NOTCH2: variants seen among roughly 807,000 people sequenced by gnomAD.
NOTCH2 encodes the protein notch receptor 2, also known as neurogenic locus notch homolog protein 2.
In NOTCH2, 29 loss-of-function variants were observed where a neutral mutation model predicts 235.8. The ratio of observed to expected loss-of-function variants is 0.12; its 90% CI spans 0.09 to 0.17. The LOEUF is 0.17. NOTCH2 is among the 10% of genes least tolerant of loss of function. The pLI, the probability that NOTCH2 is intolerant of heterozygous loss-of-function variation, is 1.00. For synonymous variants in NOTCH2, 1,086 were observed against 1,141.5 expected (o/e 0.95, Z 0.98); for missense variants, 2,285 against 3,150.2 (o/e 0.73, Z 6.57).
intron 2 of NOTCH2, among the ~76,000 whole-genome samples, chr1:120,011,939 C>A (rs1653209957): frequency 1.3e-5 from 2 of 149,032 alleles, no homozygotes; most frequent in Admixed American, 6.7e-5. Context: ...TGGCATGAAC[C>A]CAGAAGTTGG....
chr1:119,981,519 C>T lies in NOTCH2; in HGVS notation c.874+5441G>A, dbSNP rs189698753. ...AACCGTTCCATGGGGGCTTAGAGAG[C>T]CATGAAGTTAAACTGGATCGTGCCT... is the stretch of plus-strand genomic sequence containing the variant. On this transcript the variant is annotated intron_variant, in intron 5 of 33. Coordinates refer to ENST00000256646, the MANE Select transcript of NOTCH2 (RefSeq NM_024408.4). 3.9e-5 allele frequency among the ~76,000 whole-genome samples: 6 copies of T among 152,218 alleles called. No homozygotes were observed. In the East Asian group the frequency reaches 1.2e-3, roughly 29 times the overall value.
chr1:120,023,047 G>C (rs587689712), intron 2 of NOTCH2, among the ~76,000 whole-genome samples: 1 of 151,202 alleles, frequency 6.6e-6, no homozygotes, highest in Non-Finnish European at 1.5e-5. Flanking sequence ...ACCCTAATAC[G>C]CAATAATGTT....
intron 17 of NOTCH2, among the ~76,000 whole-genome samples, chr1:119,946,402 TAAC>T (rs1195261821): frequency 1.3e-5 from 2 of 152,074 alleles, no homozygotes; most frequent in African/African-American, 2.4e-5. Flanking sequence ...TAGAAATCCT[TAAC>T]AACATTTTGG....
chr1:119,929,889 A>G (rs1255950764), intron 22 of NOTCH2, among the ~76,000 whole-genome samples: 2 of 152,250 alleles, frequency 1.3e-5, no homozygotes, highest in African/African-American at 4.8e-5. Context: ...AATGCCCTAT[A>G]CAGGTGTACT....
At chr1:120,001,496 C>T (rs1652748921) in intron 3 of NOTCH2, among the ~76,000 whole-genome samples, 1 of 152,194 alleles carries the variant, frequency 6.6e-6, no homozygotes, top group Non-Finnish European at 1.5e-5. Context: ...ACAAGATGGG[C>T]CGGTGGAAAG....
chr1:119,974,234 G>C (rs781947492), intron 5 of NOTCH2, among the ~76,000 whole-genome samples: 1 of 152,158 alleles, frequency 6.6e-6, no homozygotes, highest in Non-Finnish European at 1.5e-5. Flanking sequence ...CTTTGCTGGT[G>C]AACTCCCAAA....
intron 3 of NOTCH2, among the ~76,000 whole-genome samples, chr1:120,002,826 T>C (rs1314494543): frequency 6.8e-6 from 1 of 147,282 alleles, no homozygotes. Flanking sequence ...GTGTTTCAGC[T>C]GGGGACTGGT....
At chr1:119,924,132 C>T in intron 25 of NOTCH2, 148 bp from the exon 26 acceptor site, 1 of 690,472 alleles carries the variant, frequency 1.4e-6, no homozygotes, top group South Asian at 1.7e-5. Flanking sequence ...ACCTTCTTTG[C>T]ATCTCCTATC....
At position 119,965,441 on chromosome 1, in the gene NOTCH2, G is replaced by T; in HGVS notation, c.1681+12C>A. The stretch of plus-strand genomic sequence containing the variant: ...GACCTACCAAGGAGATGAAAAGTGA[G>T]AAGAATCTTACCTGTGGCACACTGG... On this transcript the variant is annotated intron_variant, in intron 10 of 33. Coordinates refer to ENST00000256646, the MANE Select transcript of NOTCH2 (RefSeq NM_024408.4). The T allele has an allele frequency of 6.2e-7, 1 of 1,600,108 alleles. No homozygotes were observed. The highest frequency in any genetic ancestry group is 8.6e-7 in the Non-Finnish European group (1 of 1,167,178).
At chr1:119,923,591 T>A (rs1285988383) in intron 26 of NOTCH2, 46 bp downstream of exon 26, 3 of 1,503,728 alleles carry the variant, frequency 2.0e-6, no homozygotes, top group African/African-American at 2.8e-5. Context: ...GTCAAAGTGC[T>A]AGGCTTCATA....
At chr1:120,002,038 G>C (rs1244256719) in intron 3 of NOTCH2, among the ~76,000 whole-genome samples, 3 of 152,170 alleles carry the variant, frequency 2.0e-5, no homozygotes, top group Non-Finnish European at 4.4e-5. Context: ...CCCATAGCCA[G>C]GATTCACAGG....
At chr1:119,930,357 A>G (rs2101171489) in intron 22 of NOTCH2, among the ~76,000 whole-genome samples, 1 of 151,512 alleles carries the variant, frequency 6.6e-6, no homozygotes, top group Middle Eastern at 3.4e-3. Flanking sequence ...TCCATTTAAA[A>G]CAGGACTAAT....
In NOTCH2 at chr1:119,937,342, C is replaced by T. The variant is rs146593279; in HGVS notation, c.3462G>A (p.Ala1154=). ...SYCEEQLDEC[A]SNPCQHGATC... Reference sequence around the variant, plus strand: ...TTGCCCCGTGCTGGCAGGGGTTGGACGCACACTCATCGAGTTGCTCCTCAC... The same window carrying T: ...TTGCCCCGTGCTGGCAGGGGTTGGATGCACACTCATCGAGTTGCTCCTCAC... The change falls in exon 21 of 34, where the codon GCG becomes GCA. Residue 1154 remains alanine (A), a synonymous_variant. Coordinates refer to ENST00000256646, the MANE Select transcript of NOTCH2 (RefSeq NM_024408.4). The T allele has an allele frequency of 3.1e-5, 50 of 1,614,118 alleles. No homozygotes were observed. Among genetic ancestry groups the T allele is most frequent in the Admixed American group, 6.7e-5 (4 of 60,034 alleles).
chr1:119,921,836 A>G (rs1292043280), intron 28 of NOTCH2, 27 bp from the exon 29 acceptor site: 1 of 1,564,514 alleles, frequency 6.4e-7, no homozygotes, highest in East Asian at 2.2e-5. Context: ...AAGAAAAAAT[A>G]AGAATGGCAG....
rs914692387 is a variant in NOTCH2, at chr1:119,959,651, C to T, written c.1916-149G>A. 1.0e-5 allele frequency: 7 copies of T among 689,504 alleles called. No individual in the cohort carries two copies. In the African/African-American group the frequency reaches 1.2e-4, roughly 12 times the overall value. The allele number at this position is 689,504 out of a possible 1,614,324, so 42.7% of individuals were successfully genotyped here. A position where few individuals can be genotyped will look rare whatever the true frequency, so the allele number is the denominator to read the frequency against. On this transcript the variant is annotated intron_variant, in intron 11 of 33. Coordinates refer to ENST00000256646, the MANE Select transcript of NOTCH2 (RefSeq NM_024408.4). ...AAGCAGAAGTTCTCAAAATGCAGTC[C>T]ACAGACTCGTTCAGGAAGATACAGG...
intron 1 of NOTCH2, among the ~76,000 whole-genome samples, chr1:120,066,065 T>C (rs1296105442): frequency 2.6e-5 from 4 of 151,988 alleles, no homozygotes; most frequent in Admixed American, 1.3e-4. Context: ...GGAGAATTTA[T>C]TATATCATCT....
chr1:119,934,242 C>T (rs1016453003), intron 22 of NOTCH2, among the ~76,000 whole-genome samples: 5 of 152,176 alleles, frequency 3.3e-5, no homozygotes, highest in Admixed American at 6.5e-5. Flanking sequence ...AACAGCCTGA[C>T]GCTCACACCA....
chr1:119,969,543 G>A lies in NOTCH2; in HGVS notation c.1076C>T (p.Ser359Phe). 6.2e-7 allele frequency: 1 copy of A among 1,613,944 alleles called. No individual in the cohort carries two copies. Among genetic ancestry groups the A allele is most frequent in the Non-Finnish European group, 8.5e-7 (1 of 1,179,946 alleles). ...PGSTCIDRVASFSCMCPEGKA... is the reference protein window; with the variant it reads ...PGSTCIDRVAFFSCMCPEGKA... Reference sequence around the variant, plus strand: ...CCCCTCTGGGCACATGCAAGAGAAGGAGGCCACACGGTCGATGCAGGTGGA... The same window carrying A: ...CCCCTCTGGGCACATGCAAGAGAAGAAGGCCACACGGTCGATGCAGGTGGA... Residue 359 changes from serine to phenylalanine, a missense_variant, in exon 6 of 34, where the codon TCC becomes TTC. Physicochemically the swap from Ser to Phe is radical, Grantham distance 155. Transcript: ENST00000256646.
chr1:119,978,622 G>A (rs1206444384), intron 5 of NOTCH2, among the ~76,000 whole-genome samples: 5 of 152,216 alleles, frequency 3.3e-5, no homozygotes, highest in Non-Finnish European at 7.3e-5. Context: ...GGATTGCCAT[G>A]GAGGCTGGGC....
Sources: gnomAD v4.1 joint callset for allele counts (sites outside exome capture counted in the v4.1 genomes callset) on GRCh38, gnomAD v4.1.1 for gene constraint, MANE v1.5 for transcripts, NCBI Gene and HGNC (gene_info 2026-07-23, HGNC 2026-07-21) for gene names.